KCNH1: variants seen among roughly 807,000 people sequenced by gnomAD.
The protein encoded by KCNH1 is voltage-gated delayed rectifier potassium channel KCNH1.
KCNH1 carries 27 observed loss-of-function variants against 69.2 expected under a neutral mutation model. The observed-to-expected ratio is 0.39, with a 90% CI of 0.29 to 0.54. The LOEUF is 0.54. Among genes scored for constraint, KCNH1 ranks in the 20% least tolerant of loss-of-function variants. The pLI is 0.68. For missense variants in KCNH1, 798 were observed against 1,261.6 expected (o/e 0.63, Z 5.57); for synonymous variants, 456 against 487.7 (o/e 0.93, Z 0.86).
rs1307300179 is a variant in KCNH1 at position 210,964,180 on chromosome 1, G to T, written c.1033-44111C>A. Among the ~76,000 whole-genome samples, 6 of 152,254 alleles carry T rather than the reference G, an allele frequency of 3.9e-5. No homozygotes were observed. In the East Asian group the frequency reaches 7.7e-4, roughly 20 times the overall value. On this transcript the variant is annotated intron_variant, in intron 6 of 10. Coordinates refer to ENST00000271751, the MANE Select transcript of KCNH1 (RefSeq NM_172362.3). ...TTTTCAACCCAGAATTTTATATCCA[G>T]ACAAACTAATCTTCATAAGGAAGGA...
chr1:211,029,234 G>A (rs572354230), intron 5 of KCNH1, among the ~76,000 whole-genome samples: 54 of 144,152 alleles, frequency 3.7e-4, no homozygotes, highest in African/African-American at 1.3e-3. Context: ...TTGGGAGGCT[G>A]AGGCAGGAGG....
chr1:210,808,220 G>A (rs1684627344), intron 7 of KCNH1, among the ~76,000 whole-genome samples: 1 of 152,194 alleles, frequency 6.6e-6, no homozygotes. Context: ...TGAACCAGGA[G>A]TCACAGGAAA....
chr1:210,991,628 CACACAT>C (rs149802720), intron 6 of KCNH1, among the ~76,000 whole-genome samples: 1 of 139,210 alleles, frequency 7.2e-6, no homozygotes, highest in East Asian at 2.1e-4. Flanking sequence ...CACACACACA[CACACAT>C]AACACATACA....
rs988589055 is a variant in KCNH1 at position 210,906,948 on chromosome 1, C to A, written c.1462+12692G>T. Among the ~76,000 whole-genome samples, 16 of 152,082 alleles carry A rather than the reference C, an allele frequency of 1.1e-4. 1 individual carries two copies. The highest frequency in any genetic ancestry group is 5.9e-5 in the Non-Finnish European group (4 of 68,022). Reference sequence around the variant, plus strand: ...AATACCAAGATCCTTTAAAATGACACCAAAAGCACAAGCAACAAAAGAGAA... The same window carrying A: ...AATACCAAGATCCTTTAAAATGACAACAAAAGCACAAGCAACAAAAGAGAA... On this transcript the variant is annotated intron_variant, in intron 7 of 10. Transcript: ENST00000271751.
intron 6 of KCNH1, among the ~76,000 whole-genome samples, chr1:210,939,603 G>A (rs1436132803): frequency 6.6e-6 from 1 of 152,150 alleles, no homozygotes; most frequent in Non-Finnish European, 1.5e-5. Context: ...TTTATTGAGT[G>A]GTTTCTGACT....
intron 7 of KCNH1, among the ~76,000 whole-genome samples, chr1:210,905,234 C>A (rs1488377509): frequency 6.6e-6 from 1 of 152,144 alleles, no homozygotes; most frequent in African/African-American, 2.4e-5. Context: ...CCTTTCTGTG[C>A]CTGTTTTCTT....
chr1:210,731,524 CAG>C (rs921761089), intron 10 of KCNH1, among the ~76,000 whole-genome samples: 9 of 152,066 alleles, frequency 5.9e-5, no homozygotes, highest in African/African-American at 2.2e-4. Context: ...AGAAAGTAGA[CAG>C]GGGAGTGTAA....
intron 6 of KCNH1, among the ~76,000 whole-genome samples, chr1:210,980,471 A>G (rs1051282825): frequency 6.6e-6 from 1 of 152,218 alleles, no homozygotes; most frequent in Non-Finnish European, 1.5e-5. Flanking sequence ...CTAACAGGAA[A>G]CAATCAATCT....
intron 5 of KCNH1, among the ~76,000 whole-genome samples, chr1:211,041,486 T>A (rs1429706431): frequency 6.6e-6 from 1 of 152,298 alleles, no homozygotes; most frequent in Non-Finnish European, 1.5e-5. Context: ...TACAACTATA[T>A]TCAATGTACC....
intron 10 of KCNH1, among the ~76,000 whole-genome samples, chr1:210,729,359 A>G (rs1682686500): frequency 6.6e-6 from 1 of 152,232 alleles, no homozygotes; most frequent in Non-Finnish European, 1.5e-5. Flanking sequence ...TCAAAACCAA[A>G]GGGAAGCTTC....
At chr1:211,000,483 C>T (rs1207665526) in intron 6 of KCNH1, among the ~76,000 whole-genome samples, 2 of 152,096 alleles carry the variant, frequency 1.3e-5, no homozygotes, top group African/African-American at 4.8e-5. Flanking sequence ...TCAAGGAGAA[C>T]TACAAACCAC....
At chr1:210,864,496 A>G in intron 7 of KCNH1, among the ~76,000 whole-genome samples, 1 of 152,212 alleles carries the variant, frequency 6.6e-6, no homozygotes, top group East Asian at 1.9e-4. Flanking sequence ...GTGAGGACTA[A>G]TTGCAAGCAA....
chr1:211,058,011 G>A (rs1247225330), intron 5 of KCNH1, among the ~76,000 whole-genome samples: 3 of 152,094 alleles, frequency 2.0e-5, no homozygotes, highest in Admixed American at 2.0e-4. Context: ...ATATCTGGCA[G>A]CAGACTTCTC....
intron 10 of KCNH1, among the ~76,000 whole-genome samples, chr1:210,706,385 A>G (rs1297350758): frequency 1.3e-5 from 2 of 152,230 alleles, no homozygotes; most frequent in East Asian, 1.9e-4. Flanking sequence ...CAGGAGCAAA[A>G]TGCAGCGTGG....
chr1:210,703,974 C>T (rs1418830244), intron 10 of KCNH1, among the ~76,000 whole-genome samples: 1 of 152,118 alleles, frequency 6.6e-6, no homozygotes, highest in Non-Finnish European at 1.5e-5. Flanking sequence ...GCGTGCACCC[C>T]CATAGGCCAA....
intron 7 of KCNH1, among the ~76,000 whole-genome samples, chr1:210,869,484 C>CGT (rs61235458): frequency 0.16 from 21,705 of 136,536 alleles, 1,767 homozygotes; most frequent in South Asian, 0.24. Flanking sequence ...AGTTATAAGT[C>CGT]GTGTGTGTGT....
Position 210,683,865 on chromosome 1 carries a change from T to C in KCNH1, c.2386A>G (p.Thr796Ala). 1 of 1,614,104 alleles carries C rather than the reference T, an allele frequency of 6.2e-7. No homozygotes were observed. The highest frequency in any genetic ancestry group is 8.5e-7 in the Non-Finnish European group (1 of 1,180,014). ...SVVTVRESPA[T>A]PVSFQAASTS... ...GAGGCTGCCTGGAAGGATACGGGCGTGGCAGGACTCTCACGCACGGTGACC... is the reference window on the plus strand; with the variant it reads ...GAGGCTGCCTGGAAGGATACGGGCGCGGCAGGACTCTCACGCACGGTGACC... Residue 796 changes from threonine (T) to alanine (A), a missense_variant, in exon 11 of 11, where the codon ACG (threonine) becomes GCG (alanine). By Grantham distance (58) the Thr-to-Ala change is moderately conservative. This residue lies in a region of KCNH1 where 331 missense variants were observed against 363.2 expected (regional missense o/e 0.91). Coordinates refer to ENST00000271751, the MANE Select transcript of KCNH1 (RefSeq NM_172362.3). This position sits in a 1 kb window ranked among gnomAD's most constrained non-coding sequence, Gnocchi z 5.7.
At chr1:210,828,729 A>C (rs1033888494) in intron 7 of KCNH1, among the ~76,000 whole-genome samples, 2 of 152,168 alleles carry the variant, frequency 1.3e-5, no homozygotes, top group Non-Finnish European at 2.9e-5. Flanking sequence ...CTTTCTAAAA[A>C]TGTGTTTTGG....
At chr1:211,101,676 AGCCCT>A (rs1352448144) in intron 3 of KCNH1, among the ~76,000 whole-genome samples, 1 of 152,204 alleles carries the variant, frequency 6.6e-6, no homozygotes, top group African/African-American at 2.4e-5. Context: ...TTCATGTGGT[AGCCCT>A]GCCTTGTACT....
Sources: allele counts gnomAD v4.1 joint callset (sites outside exome capture counted in the v4.1 genomes callset), GRCh38; gene constraint gnomAD v4.1.1; regional missense constraint gnomAD v4.1.1; non-coding constraint Gnocchi (gnomAD v3.1); transcripts MANE v1.5; gene names NCBI Gene and HGNC (gene_info 2026-07-23, HGNC 2026-07-21).